PRDM5: variants seen among roughly 807,000 people sequenced by gnomAD.
PRDM5 encodes PR domain zinc finger protein 5.
PRDM5 carries 56 observed loss-of-function variants against 81.2 expected under a neutral mutation model. The observed-to-expected ratio is 0.69, with a 90% CI of 0.56 to 0.86. PRDM5 has a LOEUF of 0.86. Among genes scored for constraint, PRDM5 ranks in the 40% least tolerant of loss-of-function variants. The probability of loss-of-function intolerance (pLI) is 0.00; values close to 1 mark genes in which losing one functional copy is unlikely to be tolerated. For synonymous variants in PRDM5, 267 were observed against 256.4 expected, an observed-to-expected ratio of 1.04 and a Z score of -0.39; for missense variants, 697 against 770.1, an observed-to-expected ratio of 0.91 and a Z score of 1.12.
rs1374990037 is a variant in PRDM5 at position 120,922,520 on chromosome 4, C to G, written c.89G>C (p.Arg30Pro). Residue 30 changes from arginine to proline, a missense_variant, in exon 1 of 16, where the codon CGA becomes CCA. Around this residue, in one of 3 missense-constraint regions of PRDM5, gnomAD observed 577 missense variants for 606.7 expected, o/e 0.95. Transcript: ENST00000264808. ...GMGLYTARRVRKGEKFGPFAG... is the reference protein window; with the variant it reads ...GMGLYTARRVPKGEKFGPFAG... The stretch of plus-strand genomic sequence containing the variant: ...GGCCGCCGCCGGGTCACCCACCTTT[C>G]GCACTCTGCGGGCCGTGTAGAGCCC... The G allele has an allele frequency of 6.2e-7, 1 of 1,603,288 alleles. No individual in the cohort carries two copies.
intron 2 of PRDM5, among the ~76,000 whole-genome samples, chr4:120,869,955 G>A (rs1176814090): frequency 2.0e-5 from 3 of 151,964 alleles, no homozygotes; most frequent in Admixed American, 1.3e-4. Flanking sequence ...CACTGTGTAA[G>A]GAGACTGCAC....
chr4:120,753,060 T>C (rs919565961), intron 14 of PRDM5, among the ~76,000 whole-genome samples: 2 of 152,228 alleles, frequency 1.3e-5, no homozygotes, highest in Non-Finnish European at 2.9e-5. Flanking sequence ...TTCTGTGTTG[T>C]AATCATGTCT....
chr4:120,818,541 A>G lies in PRDM5; in HGVS notation c.476-14T>C, dbSNP rs770178784. The G allele has an allele frequency of 6.2e-7, 1 of 1,608,676 alleles. No homozygotes were observed. Among genetic ancestry groups the G allele is most frequent in the South Asian group, 1.1e-5 (1 of 90,958 alleles). ...AGCCAAGGCGATCTGCACATTCACA[A>G]GGAAACATATTCATGAGACAAAAAT... On this transcript the variant is annotated splice_polypyrimidine_tract_variant and intron_variant, in intron 4 of 15. Transcript: ENST00000264808.
intron 2 of PRDM5, among the ~76,000 whole-genome samples, chr4:120,880,345 G>C (rs1416836045): frequency 1.3e-5 from 2 of 151,950 alleles, no homozygotes; most frequent in Non-Finnish European, 2.9e-5. Context: ...GCTAATTCCC[G>C]AGAAGGAGCT....
chr4:120,746,953 T>C lies in PRDM5; in HGVS notation c.1623+7600A>G, dbSNP rs1743181005. ...TACTGGGTATATACCCAAAGGGCTA[T>C]AAATCATGCTGCTATAAAGACACAT... On this transcript the variant is annotated intron_variant, in intron 14 of 15. Transcript: ENST00000264808. 2.6e-5 allele frequency among the ~76,000 whole-genome samples: 4 copies of C among 151,208 alleles called. No individual in the cohort carries two copies. The South Asian group carries it at 8.3e-4, about 32-fold the overall frequency.
chr4:120,904,202 A>AAAAAAAAAAAAAAC (rs1765530932), intron 2 of PRDM5, among the ~76,000 whole-genome samples: 1 of 142,530 alleles, frequency 7.0e-6, no homozygotes, highest in Non-Finnish European at 1.5e-5. Context: ...AAAAAAAAAA[A>AAAAAAAAAAAAAAC]AAACAAAAAA....
chr4:120,691,344 G>A (rs1734040140), downstream of PRDM5, among the ~76,000 whole-genome samples: 2 of 152,102 alleles, frequency 1.3e-5, no homozygotes, highest in African/African-American at 4.8e-5. Context: ...CTAAGGCTAT[G>A]AGTCAGCTCC....
At chr4:120,695,388 G>T (rs1036190125) in intron 15 of PRDM5, 113 bp from the exon 16 acceptor site, 2 of 1,202,398 alleles carry the variant, frequency 1.7e-6, no homozygotes, top group Non-Finnish European at 2.4e-6. Context: ...GCATTTAATC[G>T]GTGTCCTTTG....
intron 6 of PRDM5, 125 bp downstream of exon 6, chr4:120,816,707 G>T: frequency 6.6e-7 from 1 of 1,509,216 alleles, no homozygotes; most frequent in Non-Finnish European, 9.2e-7. Flanking sequence ...TACCTATGCA[G>T]GTAAGAAGAA....
chr4:120,820,422 G>A (rs1018577428), intron 4 of PRDM5, among the ~76,000 whole-genome samples: 11 of 152,320 alleles, frequency 7.2e-5, no homozygotes, highest in South Asian at 2.1e-4. Context: ...GGATAAAGAC[G>A]AGGCCTATTA....
At chr4:120,691,342 A>G (rs531418681), downstream of PRDM5, among the ~76,000 whole-genome samples, 1 of 152,288 alleles carries the variant, frequency 6.6e-6, no homozygotes, top group Admixed American at 6.5e-5. Flanking sequence ...AGCTAAGGCT[A>G]TGAGTCAGCT....
chr4:120,871,766 C>CA (rs139374666), intron 2 of PRDM5, among the ~76,000 whole-genome samples: 84 of 137,706 alleles, frequency 6.1e-4, no homozygotes, highest in African/African-American at 1.1e-3. Flanking sequence ...GCTACTGTTT[C>CA]AAAAAAAAAA....
intron 14 of PRDM5, among the ~76,000 whole-genome samples, chr4:120,727,941 GA>G (rs559287282): frequency 0.056 from 6,455 of 115,696 alleles, 192 homozygotes; most frequent in African/African-American, 0.11. Flanking sequence ...ATCTCAGTAA[GA>G]AAAAAAAAAA....
chr4:120,895,368 GA>G (rs1277463784), intron 2 of PRDM5: 1 of 152,136 alleles, frequency 6.6e-6, no homozygotes, highest in Non-Finnish European at 1.5e-5. Context: ...GAGAGAGAGA[GA>G]AAGAGACCTT....
At chr4:120,799,596 T>TA in intron 9 of PRDM5, 65 bp downstream of exon 9, 1 of 1,576,764 alleles carries the variant, frequency 6.3e-7, no homozygotes, top group South Asian at 1.2e-5. Flanking sequence ...TTAGAGTTTA[T>TA]AAAAAGTGAC....
At chr4:120,855,734 T>C (rs1759801134) in intron 2 of PRDM5, among the ~76,000 whole-genome samples, 1 of 152,244 alleles carries the variant, frequency 6.6e-6, no homozygotes, top group Non-Finnish European at 1.5e-5. Flanking sequence ...CAATGCCACC[T>C]AATACTTGAA....
chr4:120,825,858 A>C (rs938263661), intron 3 of PRDM5, among the ~76,000 whole-genome samples: 5 of 152,102 alleles, frequency 3.3e-5, no homozygotes, highest in Non-Finnish European at 7.4e-5. Context: ...AATTGTCTGA[A>C]CCATACCCAA....
At chr4:120,746,900 G>T (rs1325065671) in intron 14 of PRDM5, among the ~76,000 whole-genome samples, 1 of 150,472 alleles carries the variant, frequency 6.6e-6, no homozygotes, top group African/African-American at 2.5e-5. Flanking sequence ...TCTAGAACTA[G>T]AAATACCATT....
chr4:120,899,866 C>T (rs1765050699), intron 2 of PRDM5, among the ~76,000 whole-genome samples: 1 of 152,194 alleles, frequency 6.6e-6, no homozygotes, highest in Non-Finnish European at 1.5e-5. Context: ...CCATGACACA[C>T]TCCCCAGGTT....
Sources: gnomAD v4.1 joint callset for allele counts (sites outside exome capture counted in the v4.1 genomes callset) on GRCh38, gnomAD v4.1.1 for gene constraint, gnomAD v4.1.1 regional missense constraint, MANE v1.5 for transcripts, NCBI Gene and HGNC (gene_info 2026-07-23, HGNC 2026-07-21) for gene names.